CSGALNACT1: variants seen among roughly 807,000 people sequenced by gnomAD.
CSGALNACT1 encodes chondroitin sulfate N-acetylgalactosaminyltransferase 1, also known as beta4GalNAcT-1.
A neutral mutation model predicts 51.0 loss-of-function variants in CSGALNACT1; 52 were observed. That is an observed-to-expected ratio of 1.02 (90% CI 0.82 to 1.29). The LOEUF (loss-of-function observed/expected upper bound fraction) is 1.29, where lower values mean the gene tolerates loss of function less well. Among genes scored for constraint, CSGALNACT1 ranks in the 50% most tolerant of loss-of-function variants. The pLI, the probability that CSGALNACT1 is intolerant of heterozygous loss-of-function variation, is 0.00. For synonymous variants in CSGALNACT1, 341 were observed against 254.4 expected, an observed-to-expected ratio of 1.34 and a Z score of -3.24; for missense variants, 935 against 679.2, an observed-to-expected ratio of 1.38 and a Z score of -4.19.
intron 2 of CSGALNACT1, among the ~76,000 whole-genome samples, chr8:19,593,150 G>C (rs959256261): frequency 6.6e-6 from 1 of 152,198 alleles, no homozygotes; most frequent in African/African-American, 2.4e-5. Context: ...CACAGCTAAA[G>C]AATGTACGAT....
chr8:19,414,290 A>C (rs2056451048), intron 8 of CSGALNACT1, among the ~76,000 whole-genome samples: 1 of 152,192 alleles, frequency 6.6e-6, no homozygotes. Flanking sequence ...GTGAACAAAA[A>C]ACCGGAGTCT....
intron 1 of CSGALNACT1, among the ~76,000 whole-genome samples, chr8:19,726,634 T>C (rs867463817): frequency 1.3e-5 from 2 of 152,196 alleles, no homozygotes; most frequent in Non-Finnish European, 2.9e-5. Flanking sequence ...TACAATACAC[T>C]ATTATTAACT....
intron 1 of CSGALNACT1, among the ~76,000 whole-genome samples, chr8:19,680,807 A>G (rs1299158725): frequency 2.0e-5 from 3 of 152,116 alleles, no homozygotes; most frequent in African/African-American, 4.8e-5. Context: ...TTATTTATGT[A>G]TATGTTTTCA....
intron 1 of CSGALNACT1, among the ~76,000 whole-genome samples, chr8:19,614,576 T>TA (rs1233391757): frequency 1.4e-4 from 22 of 152,278 alleles, no homozygotes; most frequent in African/African-American, 5.1e-4. Flanking sequence ...TGGATCAAGA[T>TA]AAAAAATTTT....
At chr8:19,621,458 T>C (rs950051476) in intron 1 of CSGALNACT1, among the ~76,000 whole-genome samples, 1 of 152,132 alleles carries the variant, frequency 6.6e-6, no homozygotes, top group African/African-American at 2.4e-5. Flanking sequence ...ACATGAATAC[T>C]TGTTGATATT....
At chr8:19,439,388 G>A (rs1318283425) in intron 6 of CSGALNACT1, among the ~76,000 whole-genome samples, 1 of 152,212 alleles carries the variant, frequency 6.6e-6, no homozygotes, top group Non-Finnish European at 1.5e-5. Flanking sequence ...GGGTGAGACT[G>A]TTTGCTAAGT....
chr8:19,465,576 G>T (rs1035888462), intron 4 of CSGALNACT1, among the ~76,000 whole-genome samples: 5 of 152,210 alleles, frequency 3.3e-5, no homozygotes, highest in African/African-American at 1.2e-4. Flanking sequence ...CCATGCACAT[G>T]TCTATGCTTC....
At chr8:19,439,679 A>G in intron 6 of CSGALNACT1, 151 bp downstream of exon 5, 1 of 698,276 alleles carries the variant, frequency 1.4e-6, no homozygotes, top group Non-Finnish European at 2.6e-6. Flanking sequence ...AGAGGAGTGC[A>G]GACTTTTCCC....
At chr8:19,625,064 T>G (rs574154864) in intron 1 of CSGALNACT1, among the ~76,000 whole-genome samples, 4 of 152,202 alleles carry the variant, frequency 2.6e-5, no homozygotes, top group African/African-American at 4.8e-5. Context: ...AATCAACGAC[T>G]GAACCATCTC....
At chr8:19,411,054 A>T (rs1487401683) in intron 8 of CSGALNACT1, among the ~76,000 whole-genome samples, 1 of 152,088 alleles carries the variant, frequency 6.6e-6, no homozygotes, top group Non-Finnish European at 1.5e-5. Context: ...GCCCTATATA[A>T]GGCCCATTTT....
At chr8:19,537,956 A>G (rs530663509) in intron 3 of CSGALNACT1, among the ~76,000 whole-genome samples, 1 of 152,304 alleles carries the variant, frequency 6.6e-6, no homozygotes, top group South Asian at 2.1e-4. Flanking sequence ...AAGATAAGCT[A>G]TGGACTGGGG....
chr8:19,652,646 C>T (rs1186368796), intron 1 of CSGALNACT1, among the ~76,000 whole-genome samples: 3 of 152,186 alleles, frequency 2.0e-5, no homozygotes, highest in African/African-American at 7.2e-5. Flanking sequence ...TCTCTATCCA[C>T]TGCTCCTCTA....
At chr8:19,447,450 G>A (rs2062335768) in intron 5 of CSGALNACT1, among the ~76,000 whole-genome samples, 2 of 152,176 alleles carry the variant, frequency 1.3e-5, no homozygotes, top group African/African-American at 4.8e-5. Context: ...CTGATCTGAG[G>A]CCTGATTTGA....
intron 3 of CSGALNACT1, among the ~76,000 whole-genome samples, chr8:19,523,631 G>C (rs1468804216): frequency 1.3e-5 from 2 of 152,112 alleles, no homozygotes; most frequent in African/African-American, 2.4e-5. Context: ...AACTTTTCTA[G>C]CATTCAGTAA....
At chr8:19,597,651 G>A (rs766973566) in intron 2 of CSGALNACT1, among the ~76,000 whole-genome samples, 11 of 152,156 alleles carry the variant, frequency 7.2e-5, no homozygotes, top group South Asian at 2.1e-4. Flanking sequence ...GCAAAGTGCC[G>A]GAGTCCGATC....
At chr8:19,587,814 AT>A (rs1389699678) in intron 3 of CSGALNACT1, 1 of 152,156 alleles carries the variant, frequency 6.6e-6, no homozygotes, top group Non-Finnish European at 1.5e-5. Flanking sequence ...GAGAGTCAGA[AT>A]TTTAAATTCT....
intron 1 of CSGALNACT1, among the ~76,000 whole-genome samples, chr8:19,743,845 C>T (rs539482164): frequency 6.6e-5 from 10 of 152,260 alleles, no homozygotes; most frequent in African/African-American, 2.4e-4. Flanking sequence ...AATTTCTCCA[C>T]ACATTTTTTA....
At chr8:19,428,356 G>C (rs544193317) in intron 6 of CSGALNACT1, among the ~76,000 whole-genome samples, 1 of 152,298 alleles carries the variant, frequency 6.6e-6, no homozygotes, top group South Asian at 2.1e-4. Context: ...CAGAAGAGGA[G>C]CAAAGTCACA....
chr8:19,527,118 G>C (rs1222802329), intron 3 of CSGALNACT1, among the ~76,000 whole-genome samples: 1 of 152,182 alleles, frequency 6.6e-6, no homozygotes, highest in Non-Finnish European at 1.5e-5. Context: ...TAAGGAGTTT[G>C]AAGTACACTG....
Sources: gnomAD v4.1 joint callset for allele counts (sites outside exome capture counted in the v4.1 genomes callset) on GRCh38, gnomAD v4.1.1 for gene constraint, MANE v1.5 for transcripts, NCBI Gene and HGNC (gene_info 2026-07-23, HGNC 2026-07-21) for gene names.